The following FGGY variants were observed in gnomAD, a reference collection of about 807,000 sequenced individuals.
FGGY encodes FGGY carbohydrate kinase domain containing.
FGGY carries 72 observed loss-of-function variants against 71.3 expected under a neutral mutation model. The observed-to-expected ratio is 1.01, with a 90% CI of 0.84 to 1.23. The LOEUF (loss-of-function observed/expected upper bound fraction) is 1.23. FGGY is among the 50% of genes most tolerant of loss of function. The pLI is 0.00. For synonymous variants in FGGY, 251 were observed against 250.3 expected, an observed-to-expected ratio of 1.00 and a Z score of -0.02; for missense variants, 668 against 682.3, an observed-to-expected ratio of 0.98 and a Z score of 0.23.
chr1:59,676,218 G>A (rs1181776888), intron 14 of FGGY, among the ~76,000 whole-genome samples: 1 of 152,068 alleles, frequency 6.6e-6, no homozygotes. Flanking sequence ...ATCCTTCTGT[G>A]ATAGGAAGCC....
At chr1:59,509,404 C>T (rs1201899646) in intron 6 of FGGY, among the ~76,000 whole-genome samples, 1 of 152,160 alleles carries the variant, frequency 6.6e-6, no homozygotes, top group Non-Finnish European at 1.5e-5. Context: ...TAAAAAAGCA[C>T]AAGTTTAATC....
At chr1:59,627,042 C>A (rs999358715) in intron 10 of FGGY, among the ~76,000 whole-genome samples, 9 of 151,964 alleles carry the variant, frequency 5.9e-5, no homozygotes, top group Admixed American at 3.9e-4. Context: ...TGCCTCATGT[C>A]CCTGATACCC....
chr1:59,433,681 A>G (rs1022428565), intron 5 of FGGY, among the ~76,000 whole-genome samples: 2 of 152,120 alleles, frequency 1.3e-5, no homozygotes, highest in South Asian at 2.1e-4. Flanking sequence ...TTATTTCCAG[A>G]TGTGTCACTG....
chr1:59,444,702 G>A (rs1413643706), intron 5 of FGGY, among the ~76,000 whole-genome samples: 3 of 152,100 alleles, frequency 2.0e-5, no homozygotes, highest in Non-Finnish European at 4.4e-5. Flanking sequence ...ACCCTATTGT[G>A]AACTGCGCAT....
rs185168246 is a variant in FGGY, at chr1:59,585,607, T to C, written c.904-22196T>C. On this transcript the variant is annotated intron_variant, in intron 8 of 15. Coordinates refer to ENST00000303721, the MANE Select transcript of FGGY (RefSeq NM_018291.5). Reference sequence around the variant, plus strand: ...GGCATCACCATTCAGGACATAGGCATGGGCAAGGACTTCATGTCTAAAACA... The same window carrying C: ...GGCATCACCATTCAGGACATAGGCACGGGCAAGGACTTCATGTCTAAAACA... 1.3e-3 allele frequency among the ~76,000 whole-genome samples: 199 copies of C among 152,308 alleles called. 2 individuals carry two copies. The highest frequency in any genetic ancestry group is 2.4e-3 in the Non-Finnish European group (160 of 68,030).
intron 5 of FGGY, among the ~76,000 whole-genome samples, chr1:59,392,929 C>G (rs1234406408): frequency 2.0e-5 from 3 of 152,140 alleles, no homozygotes; most frequent in Admixed American, 6.5e-5. Flanking sequence ...ACTGCATTCA[C>G]CAATAAAAAA....
intron 8 of FGGY, among the ~76,000 whole-genome samples, chr1:59,576,385 A>G (rs2096074906): frequency 6.6e-6 from 1 of 151,776 alleles, no homozygotes; most frequent in Non-Finnish European, 1.5e-5. Context: ...AACATCACAC[A>G]CTGAGGCCAG....
intron 5 of FGGY, among the ~76,000 whole-genome samples, chr1:59,379,941 C>T (rs533780872): frequency 5.7e-4 from 87 of 152,118 alleles, no homozygotes; most frequent in African/African-American, 1.8e-3. Context: ...TAATGCTATC[C>T]CCCGCCTCCC....
chr1:59,374,605 G>A (rs1319563938), intron 4 of FGGY, among the ~76,000 whole-genome samples: 8 of 152,100 alleles, frequency 5.3e-5, no homozygotes, highest in Non-Finnish European at 1.0e-4. Flanking sequence ...ACATGCACAC[G>A]TATGTTTATT....
chr1:59,527,659 A>G (rs2095028763), intron 7 of FGGY, among the ~76,000 whole-genome samples: 2 of 152,176 alleles, frequency 1.3e-5, no homozygotes, highest in Non-Finnish European at 2.9e-5. Flanking sequence ...AAATGTTTGC[A>G]TCTTCATTTT....
At chr1:59,585,202 A>G (rs562728701) in intron 8 of FGGY, among the ~76,000 whole-genome samples, 40 of 152,204 alleles carry the variant, frequency 2.6e-4, no homozygotes, top group Non-Finnish European at 4.6e-4. Context: ...AAAAGAGCCC[A>G]CATTGCCAAG....
At chr1:59,435,253 C>T (rs2068181281) in intron 5 of FGGY, among the ~76,000 whole-genome samples, 1 of 152,190 alleles carries the variant, frequency 6.6e-6, no homozygotes, top group Non-Finnish European at 1.5e-5. Context: ...TTGCCAGAGG[C>T]TTTGAAGCCA....
chr1:59,499,995 A>G (rs1402001638), intron 6 of FGGY, among the ~76,000 whole-genome samples: 1 of 152,178 alleles, frequency 6.6e-6, no homozygotes, highest in East Asian at 1.9e-4. Flanking sequence ...GACCCTAGTC[A>G]TTTGATTGTC....
At chr1:59,685,719 C>T (rs879628693) in intron 14 of FGGY, among the ~76,000 whole-genome samples, 8 of 152,120 alleles carry the variant, frequency 5.3e-5, no homozygotes, top group Non-Finnish European at 1.2e-4. Flanking sequence ...TGGGACAGAT[C>T]TGGCTTATCT....
At chr1:59,721,722 A>G (rs1454555000) in intron 14 of FGGY, among the ~76,000 whole-genome samples, 5 of 152,210 alleles carry the variant, frequency 3.3e-5, no homozygotes, top group Admixed American at 1.3e-4. Flanking sequence ...GTTACAATTA[A>G]TGAACCAGTA....
At chr1:59,655,688 G>A (rs1220481739) in intron 11 of FGGY, among the ~76,000 whole-genome samples, 7 of 152,108 alleles carry the variant, frequency 4.6e-5, no homozygotes, top group Non-Finnish European at 8.8e-5. Flanking sequence ...CCACCTCTTT[G>A]CACAGTTGGC....
intron 8 of FGGY, among the ~76,000 whole-genome samples, chr1:59,589,681 A>G (rs2096388733): frequency 6.6e-6 from 1 of 152,238 alleles, no homozygotes; most frequent in South Asian, 2.1e-4. Flanking sequence ...CTGCTCCTGA[A>G]TGACTACTGG....
At chr1:59,513,605 A>G (rs984632079) in intron 7 of FGGY, among the ~76,000 whole-genome samples, 13 of 152,178 alleles carry the variant, frequency 8.5e-5, no homozygotes, top group African/African-American at 3.1e-4. Flanking sequence ...AAATGATCAT[A>G]TTGCATTGTA....
intron 6 of FGGY, among the ~76,000 whole-genome samples, chr1:59,504,722 AAC>A (rs1243786410): frequency 1.3e-5 from 2 of 152,226 alleles, no homozygotes; most frequent in Admixed American, 1.3e-4. Flanking sequence ...TATGTTAGAA[AAC>A]ACATTTCTTG....
Sources: allele counts gnomAD v4.1 joint callset (sites outside exome capture counted in the v4.1 genomes callset), GRCh38; gene constraint gnomAD v4.1.1; transcripts MANE v1.5; gene names NCBI Gene and HGNC (gene_info 2026-07-23, HGNC 2026-07-21).